SYT5: variants seen among roughly 807,000 people sequenced by gnomAD.
The protein encoded by SYT5 is synaptotagmin 5, also known as synaptotagmin-5.
SYT5 carries 29 observed loss-of-function variants against 36.0 expected under a neutral mutation model. That is an observed-to-expected ratio of 0.81 (90% CI 0.60 to 1.10). The LOEUF (loss-of-function observed/expected upper bound fraction) is 1.10, where lower values mean the gene tolerates loss of function less well. Among genes scored for constraint, SYT5 ranks in the 50% least tolerant of loss-of-function variants. The pLI is 0.00. For missense variants in SYT5, 512 were observed against 516.0 expected, an observed-to-expected ratio of 0.99 and a Z score of 0.08; for synonymous variants, 231 against 227.6, an observed-to-expected ratio of 1.02 and a Z score of -0.14.
chr19:55,175,682 A>G lies in SYT5; in HGVS notation c.540+27T>C. ...CCAGGGACTGGGCACAGGCTATGGA[A>G]CACGGGGCCTGAAGGCAGGAGCTCA... On this transcript the variant is annotated intron_variant, in intron 5 of 8. Coordinates refer to ENST00000354308, the MANE Select transcript of SYT5 (RefSeq NM_003180.3). This position sits in a 1 kb window ranked among gnomAD's most constrained non-coding sequence, Gnocchi z 4.5. 1 of 1,610,794 alleles carries G rather than the reference A, an allele frequency of 6.2e-7. No homozygotes were observed. Among genetic ancestry groups the G allele is most frequent in the Non-Finnish European group, 8.5e-7 (1 of 1,178,884 alleles).
Position 55,175,080 on chromosome 19 carries a change from G to A in SYT5, c.709-81C>T. Reference sequence around the variant, plus strand: ...GGGGTACAATCCACGCCGCCCTGAGGGTCTGGAAAGCCTATGATCTGATTG... The same window carrying A: ...GGGGTACAATCCACGCCGCCCTGAGAGTCTGGAAAGCCTATGATCTGATTG... On this transcript the variant is annotated intron_variant, in intron 6 of 8. Coordinates refer to ENST00000354308, the MANE Select transcript of SYT5 (RefSeq NM_003180.3). The surrounding 1 kb of genome is among the most constrained non-coding windows in gnomAD (Gnocchi z 4.5). 1 of 1,594,352 alleles carries A rather than the reference G, an allele frequency of 6.3e-7. No homozygotes were observed. The highest frequency in any genetic ancestry group is 8.5e-7 in the Non-Finnish European group (1 of 1,172,954).
rs117935017 is a variant in SYT5, at chr19:55,175,143, T to G, written c.708+29A>C. The G allele has an allele frequency of 2.4e-3, 3,746 of 1,578,584 alleles. 134 individuals are homozygous for G. In the East Asian group the frequency reaches 0.074, roughly 31 times the overall value. On this transcript the variant is annotated intron_variant, in intron 6 of 8. Coordinates refer to ENST00000354308, the MANE Select transcript of SYT5 (RefSeq NM_003180.3). This position sits in a 1 kb window ranked among gnomAD's most constrained non-coding sequence, Gnocchi z 4.5. ...GTGGGCGGGACTGGGCCTGGGGGCG[T>G]GGCTCGGGGCGCGACCGCGCATGCT...
Position 55,175,041 on chromosome 19 carries a change from T to A in SYT5, c.709-42A>T. Reference sequence around the variant, plus strand: ...CCATCACCAGAGCCCCGGCTCCACATCCATGCCTCCTCAGGGGTACAATCC... The same window carrying A: ...CCATCACCAGAGCCCCGGCTCCACAACCATGCCTCCTCAGGGGTACAATCC... On this transcript the variant is annotated intron_variant, in intron 6 of 8. Coordinates refer to ENST00000354308, the MANE Select transcript of SYT5 (RefSeq NM_003180.3). The surrounding 1 kb of genome is among the most constrained non-coding windows in gnomAD (Gnocchi z 4.5). 1.2e-6 allele frequency: 2 copies of A among 1,606,648 alleles called. No individual in the cohort carries two copies. Among genetic ancestry groups the A allele is most frequent in the Non-Finnish European group, 1.7e-6 (2 of 1,178,188 alleles).
Position 55,173,587 on chromosome 19 carries a change from C to G in SYT5, c.1058G>C (p.Gly353Ala), listed in dbSNP as rs2086029641. 1 of 1,478,870 alleles carries G rather than the reference C, an allele frequency of 6.8e-7. No individual in the cohort carries two copies. Among genetic ancestry groups the G allele is most frequent in the African/African-American group, 1.5e-5 (1 of 67,890 alleles). The allele number at this position is 1,478,870 out of a possible 1,614,324, so 91.6% of individuals were successfully genotyped here. A position where few individuals can be genotyped will look rare whatever the true frequency, so the allele number is the denominator to read the frequency against. Reference sequence around the variant, plus strand: ...CAGCATGTCCGCCCAGTGCCGCAGGCCAGCCCCGCCGGCGGCCGCCCCCAC... The same window carrying G: ...CAGCATGTCCGCCCAGTGCCGCAGGGCAGCCCCGCCGGCGGCCGCCCCCAC... Reference protein sequence around the residue: ...VAVGAAAGGAGLRHWADMLAN... With the variant: ...VAVGAAAGGAALRHWADMLAN... Residue 353 changes from glycine to alanine, a missense_variant, in exon 9 of 9, where the codon GGC becomes GCC. Coordinates refer to ENST00000354308, the MANE Select transcript of SYT5 (RefSeq NM_003180.3). This position sits in a 1 kb window ranked among gnomAD's most constrained non-coding sequence, Gnocchi z 5.4.
At position 55,175,830 on chromosome 19, in the gene SYT5, A is replaced by G; in HGVS notation, c.419T>C (p.Leu140Pro). 4 of 1,614,140 alleles carry G rather than the reference A, an allele frequency of 2.5e-6. No homozygotes were observed. The highest frequency in any genetic ancestry group is 3.4e-6 in the Non-Finnish European group (4 of 1,180,004). The stretch of plus-strand genomic sequence containing the variant: ...CACATAGGGGTCCGAGGAGCCACCA[A>G]GATCCAAGGCTGCCAATCCCATTGC... The part of the protein sequence containing the change: ...LQAMGLAALD[L>P]GGSSDPYVRV... Residue 140 changes from leucine (L) to proline (P), a missense_variant, in exon 5 of 9, where the codon CTT becomes CCT. Physicochemically the swap from Leu to Pro is moderately conservative, Grantham distance 98 (BLOSUM62 -3). Transcript: ENST00000354308. This position sits in a 1 kb window ranked among gnomAD's most constrained non-coding sequence, Gnocchi z 4.5.
In SYT5 at chr19:55,174,533, G is replaced by A; in HGVS notation, c.944C>T (p.Pro315Leu). ...YYNEAFSFEV[P>L]CDQVQKVQVE... ...TGAGCTCACCTGGACTTGGTCACAG[G>A]GCACCTCGAAGCTGAAAGCTTCGTT... The change falls in exon 8 of 9, where the codon CCC (proline) becomes CTC (leucine). Residue 315 changes from proline to leucine, a missense_variant. By Grantham distance (98) the Pro-to-Leu change is moderately conservative (BLOSUM62 -3). Transcript: ENST00000354308. The A allele has an allele frequency of 1.2e-6, 2 of 1,614,044 alleles. No homozygotes were observed. Among genetic ancestry groups the A allele is most frequent in the Non-Finnish European group, 1.7e-6 (2 of 1,179,958 alleles).
rs761982837 is a variant in SYT5 at position 55,178,980 on chromosome 19, C to T, written c.62G>A (p.Arg21His). 25 of 1,570,922 alleles carry T rather than the reference C, an allele frequency of 1.6e-5. No individual in the cohort carries two copies. In the East Asian group the frequency reaches 5.9e-4, roughly 37 times the overall value. The change falls in exon 2 of 9, where the codon CGC becomes CAC. Residue 21 changes from arginine to histidine, a missense_variant. Transcript: ENST00000354308. ...TTGCTCACCTGGGCCGTGGCTGATG[C>T]GACTGGAGTCGGGAGGCGTGTCGGG... Reference protein sequence around the residue: ...PSPDTPPDSSRISHGPVPPWA... With the variant: ...PSPDTPPDSSHISHGPVPPWA...
At position 55,179,321 on chromosome 19, in the gene SYT5, G is replaced by A; in HGVS notation, c.-45-235C>T. The A allele has an allele frequency of 8.0e-7, 1 of 1,243,312 alleles. No homozygotes were observed. Among genetic ancestry groups the A allele is most frequent in the Non-Finnish European group, 1.0e-6 (1 of 956,902 alleles). The allele number at this position is 1,243,312 out of a possible 1,614,324, so 77.0% of individuals were successfully genotyped here. Reference sequence around the variant, plus strand: ...CCCCACAGGCATCCCGCTGACTTCTGCCTCGTCCTCGCCCCTCCGCAGGGT... The same window carrying A: ...CCCCACAGGCATCCCGCTGACTTCTACCTCGTCCTCGCCCCTCCGCAGGGT... On this transcript the variant is annotated intron_variant, in intron 1 of 8. Coordinates refer to ENST00000354308, the MANE Select transcript of SYT5 (RefSeq NM_003180.3). This position sits in a 1 kb window ranked among gnomAD's most constrained non-coding sequence, Gnocchi z 4.5.
intron 3 of SYT5, among the ~76,000 whole-genome samples, chr19:55,177,931 A>AGGTGAGT (rs1568879040): frequency 2.6e-5 from 4 of 152,298 alleles, no homozygotes; most frequent in Admixed American, 2.6e-4. Context: ...GAGACCCTGT[A>AGGTGAGT]GTATGGCACA....
chr19:55,174,717 T>C, intron 7 of SYT5, 67 bp from the exon 8 acceptor site: 1 of 1,608,750 alleles, frequency 6.2e-7, no homozygotes, highest in Non-Finnish European at 8.5e-7. Context: ...ATAGAAACAC[T>C]GCCTACACCC....
rs1210041241 is a variant in SYT5 at position 55,179,198 on chromosome 19, C to G, written c.-45-112G>C. On this transcript the variant is annotated intron_variant, in intron 1 of 8. Coordinates refer to ENST00000354308, the MANE Select transcript of SYT5 (RefSeq NM_003180.3). This position sits in a 1 kb window ranked among gnomAD's most constrained non-coding sequence, Gnocchi z 4.5. The stretch of plus-strand genomic sequence containing the variant: ...CCGCGCAGAAACCGGACAGCCACCG[C>G]GAGTCATGCTGGGAGTTGTAGTATC... 1 of 1,531,486 alleles carries G rather than the reference C, an allele frequency of 6.5e-7. No homozygotes were observed. The highest frequency in any genetic ancestry group is 8.7e-7 in the Non-Finnish European group (1 of 1,144,326). 94.9% of individuals were successfully genotyped at this position (1,531,486 alleles called of 1,614,324 possible). A position where few individuals can be genotyped will look rare whatever the true frequency, so the allele number is the denominator to read the frequency against.
rs1188140807 is a variant in SYT5 at position 55,179,818 on chromosome 19, G to A, written c.-46+299C>T. ...CGCCTCGGTCTCCACGCTGCCTCTT[G>A]ACCCCACATAGGCGTCTTCCCTGTG... is the stretch of plus-strand genomic sequence containing the variant. On this transcript the variant is annotated intron_variant, in intron 1 of 8. Coordinates refer to ENST00000354308, the MANE Select transcript of SYT5 (RefSeq NM_003180.3). The surrounding 1 kb of genome is among the most constrained non-coding windows in gnomAD (Gnocchi z 4.5). 6.5e-6 allele frequency: 1 copy of A among 153,192 alleles called. No homozygotes were observed. Among genetic ancestry groups the A allele is most frequent in the Admixed American group, 6.5e-5 (1 of 15,274 alleles). 9.5% of individuals were successfully genotyped at this position (153,192 alleles called of 1,614,324 possible).
At position 55,173,853 on chromosome 19, in the gene SYT5, C is replaced by A. The variant is rs957709612; in HGVS notation, c.961-169G>T. 3.3e-4 allele frequency: 196 copies of A among 585,852 alleles called. No homozygotes were observed. The highest frequency in any genetic ancestry group is 4.8e-4 in the Non-Finnish European group (185 of 383,784). The allele number at this position is 585,852 out of a possible 1,614,324, so 36.3% of individuals were successfully genotyped here. A position where few individuals can be genotyped will look rare whatever the true frequency, so the allele number is the denominator to read the frequency against. On this transcript the variant is annotated intron_variant, in intron 8 of 8. Transcript: ENST00000354308. The surrounding 1 kb of genome is among the most constrained non-coding windows in gnomAD (Gnocchi z 5.4). ...TGGGAGACGAGAGGGACGGAGCCTGCGGCGAGGAGGAGGCTCTGGCGCCTT... is the reference window on the plus strand; with the variant it reads ...TGGGAGACGAGAGGGACGGAGCCTGAGGCGAGGAGGAGGCTCTGGCGCCTT...
chr19:55,174,325 C>T (rs2086045434), intron 8 of SYT5, among the ~76,000 whole-genome samples, 192 bp downstream of exon 8: 1 of 84,850 alleles, frequency 1.2e-5, no homozygotes, highest in South Asian at 4.2e-4. Flanking sequence ...ATAGGACACC[C>T]ACACCCAATT....
intron 3 of SYT5, chr19:55,177,318 G>C (rs2086087600): frequency 6.6e-6 from 1 of 152,124 alleles, no homozygotes; most frequent in African/African-American, 2.4e-5. Context: ...TCAGAATCTG[G>C]ATATGGGGCC....
Position 55,174,965 on chromosome 19 carries a change from C to T in SYT5, c.743G>A (p.Arg248His), listed in dbSNP as rs533591618. 62 of 1,614,072 alleles carry T rather than the reference C, an allele frequency of 3.8e-5. No homozygotes were observed. Among genetic ancestry groups the T allele is most frequent in the African/African-American group, 8.0e-5 (6 of 75,036 alleles). ...EKLGDICFSL[R>H]YVPTAGKLTV... ...GAGCTTCCCGGCCGTGGGGACATAG[C>T]GGAGGGAGAAGCAGATGTCCCCAAG... The change falls in exon 7 of 9, where the codon CGC becomes CAC. Residue 248 changes from arginine to histidine, a missense_variant. Arg to His is a conservative substitution (Grantham distance 29). Coordinates refer to ENST00000354308, the MANE Select transcript of SYT5 (RefSeq NM_003180.3).
rs752966640 is a variant in SYT5 at position 55,175,024 on chromosome 19, A to G, written c.709-25T>C. ...GCTGAAAGGAGAGGGGCCCATCACCAGAGCCCCGGCTCCACATCCATGCCT... is the reference window on the plus strand; with the variant it reads ...GCTGAAAGGAGAGGGGCCCATCACCGGAGCCCCGGCTCCACATCCATGCCT... On this transcript the variant is annotated intron_variant, in intron 6 of 8. Transcript: ENST00000354308. The surrounding 1 kb of genome is among the most constrained non-coding windows in gnomAD (Gnocchi z 4.5). The G allele has an allele frequency of 1.2e-6, 2 of 1,608,190 alleles. No individual in the cohort carries two copies. The highest frequency in any genetic ancestry group is 1.7e-6 in the Non-Finnish European group (2 of 1,178,120).
Position 55,179,675 on chromosome 19 carries a change from T to C in SYT5, c.-46+442A>G. ...CCTGGGAGCTGAGACGCAGGTTCCC[T>C]CTTCCCTCTCCCCAATTTTGCTGGA... On this transcript the variant is annotated intron_variant, in intron 1 of 8. Coordinates refer to ENST00000354308, the MANE Select transcript of SYT5 (RefSeq NM_003180.3). This position sits in a 1 kb window ranked among gnomAD's most constrained non-coding sequence, Gnocchi z 4.5. 6.4e-6 allele frequency: 1 copy of C among 155,890 alleles called. No individual in the cohort carries two copies. The highest frequency in any genetic ancestry group is 1.4e-5 in the Non-Finnish European group (1 of 70,646). 9.7% of individuals were successfully genotyped at this position (155,890 alleles called of 1,614,324 possible). A position where few individuals can be genotyped will look rare whatever the true frequency, so the allele number is the denominator to read the frequency against.
rs1307510549 is a variant in SYT5 at position 55,179,024 on chromosome 19, T to C, written c.18A>G (p.Pro6=). Residue 6 remains proline, a synonymous_variant, in exon 2 of 9, where the codon CCA becomes CCG. Transcript: ENST00000354308. The surrounding 1 kb of genome is among the most constrained non-coding windows in gnomAD (Gnocchi z 4.5). ...TGTCGGGCGATGGAGGCCCCGGGGT[T>C]GGGGGCTCCGGGAACATGGTGGCGG... The part of the protein sequence containing the change: MFPEP[P]TPGPPSPDTP... The C allele has an allele frequency of 1.9e-6, 3 of 1,605,864 alleles. No homozygotes were observed. The highest frequency in any genetic ancestry group is 2.5e-6 in the Non-Finnish European group (3 of 1,176,886).
Sources: gnomAD v4.1 joint callset for allele counts (sites outside exome capture counted in the v4.1 genomes callset) on GRCh38, gnomAD v4.1.1 for gene constraint, Gnocchi (gnomAD v3.1) non-coding constraint, MANE v1.5 for transcripts, NCBI Gene and HGNC (gene_info 2026-07-23, HGNC 2026-07-21) for gene names.